KLHL22: variants seen among roughly 807,000 people sequenced by gnomAD.
KLHL22 encodes the protein kelch like family member 22.
In KLHL22, 18 loss-of-function variants were observed where a neutral mutation model predicts 60.7. The observed-to-expected ratio is 0.30, with a 90% CI of 0.20 to 0.44. KLHL22 has a LOEUF of 0.44. KLHL22 is among the 20% of genes least tolerant of loss of function. KLHL22 has a pLI of 1.00. For missense variants in KLHL22, 596 were observed against 852.3 expected (o/e 0.70, Z 3.74); for synonymous variants, 355 against 354.5 (o/e 1.00, Z -0.01).
chr22:20,449,713 G>C (rs562084274), intron 5 of KLHL22, among the ~76,000 whole-genome samples: 2 of 152,204 alleles, frequency 1.3e-5, no homozygotes, highest in Non-Finnish European at 2.9e-5. Flanking sequence ...GCCGTTTATT[G>C]AGTTTTAAGA....
chr22:20,476,966 C>T (rs1341333085), intron 2 of KLHL22, among the ~76,000 whole-genome samples: 1 of 151,298 alleles, frequency 6.6e-6, no homozygotes, highest in Non-Finnish European at 1.5e-5. Flanking sequence ...CTCGGCCTCC[C>T]ATAGTGCTGG....
In KLHL22 at chr22:20,489,193, ACTC is replaced by A. The variant is rs1215506959; in HGVS notation, c.16_18del (p.Glu6del). On this transcript the variant is annotated inframe_deletion, in exon 2 of 7. Coordinates refer to ENST00000328879, the MANE Select transcript of KLHL22 (RefSeq NM_032775.4). ...GCAGGCAACTTGCAGAGCTGGGTGAACTCCTGCTCCTCTGCCATCCTGACAGCC... is the reference window on the plus strand; with the variant it reads ...GCAGGCAACTTGCAGAGCTGGGTGAACTGCTCCTCTGCCATCCTGACAGCC... 22 of 1,613,874 alleles carry A rather than the reference ACTC, an allele frequency of 1.4e-5. No individual in the cohort carries two copies. The highest frequency in any genetic ancestry group is 1.8e-5 in the Non-Finnish European group (21 of 1,179,986).
chr22:20,465,177 G>A lies in KLHL22; in HGVS notation c.793C>T (p.Pro265Ser). ...GCGCTGGCCACTGTGTCCCTCAAAG[G>A]GCTGGGGTCCAGCTTGTCATGCAGC... The part of the protein sequence containing the change: ...QRLHDKLDPS[P>S]LRDTVASALM... The change falls in exon 4 of 7, where the codon CCT (proline) becomes TCT (serine). Residue 265 changes from proline (P) to serine (S), a missense_variant. Transcript: ENST00000328879. This position sits in a 1 kb window ranked among gnomAD's most constrained non-coding sequence, Gnocchi z 4.9. The A allele has an allele frequency of 6.2e-7, 1 of 1,613,796 alleles. No individual in the cohort carries two copies. The highest frequency in any genetic ancestry group is 8.5e-7 in the Non-Finnish European group (1 of 1,180,008).
intron 3 of KLHL22, among the ~76,000 whole-genome samples, chr22:20,469,673 T>C (rs897447394): frequency 3.3e-5 from 5 of 152,206 alleles, no homozygotes; most frequent in Non-Finnish European, 7.4e-5. Context: ...CCAGGTCCTA[T>C]CCACCAATCT....
At chr22:20,473,409 C>T (rs575507238) in intron 2 of KLHL22, among the ~76,000 whole-genome samples, 14 of 152,236 alleles carry the variant, frequency 9.2e-5, no homozygotes, top group South Asian at 4.1e-4. Context: ...GTGTGAGATA[C>T]CTGTGAAACC....
chr22:20,470,816 AT>A (rs2053311958), intron 3 of KLHL22, among the ~76,000 whole-genome samples: 1 of 144,616 alleles, frequency 6.9e-6, no homozygotes. Context: ...GGATGGATGG[AT>A]GGATGGATGG....
intron 6 of KLHL22, among the ~76,000 whole-genome samples, chr22:20,445,472 C>G (rs567239517): frequency 6.6e-6 from 1 of 152,322 alleles, no homozygotes; most frequent in South Asian, 2.1e-4. Flanking sequence ...TCCCAAAGTG[C>G]TGGGATTACA....
chr22:20,472,164 T>C (rs1601363190), intron 2 of KLHL22, among the ~76,000 whole-genome samples: 2 of 152,242 alleles, frequency 1.3e-5, no homozygotes, highest in East Asian at 1.9e-4. Context: ...CAAGAATTGA[T>C]TGAACCTGGG....
At chr22:20,478,127 G>T (rs1243604428) in intron 2 of KLHL22, among the ~76,000 whole-genome samples, 1 of 151,798 alleles carries the variant, frequency 6.6e-6, no homozygotes, top group Non-Finnish European at 1.5e-5. Flanking sequence ...AGAGAAAAAA[G>T]AGCCCAAAAG....
At chr22:20,467,242 C>A (rs979824765) in intron 3 of KLHL22, among the ~76,000 whole-genome samples, 6 of 152,188 alleles carry the variant, frequency 3.9e-5, no homozygotes, top group Admixed American at 3.3e-4. Context: ...CTGATAAAGG[C>A]ATCAAGGTTG....
chr22:20,462,895 C>T (rs2146211985), intron 4 of KLHL22, among the ~76,000 whole-genome samples: 1 of 152,264 alleles, frequency 6.6e-6, no homozygotes, highest in Admixed American at 6.5e-5. Context: ...GGTTTCTGCA[C>T]CAATGCTTTA....
At chr22:20,478,448 A>G (rs932945857) in intron 2 of KLHL22, among the ~76,000 whole-genome samples, 1 of 129,964 alleles carries the variant, frequency 7.7e-6, no homozygotes, top group Non-Finnish European at 1.6e-5. Flanking sequence ...CAGGTGATCC[A>G]CCCTCTTCAG....
Position 20,471,385 on chromosome 22 carries a change from C to T in KLHL22, c.358G>A (p.Val120Ile). The change falls in exon 3 of 7, where the codon GTA becomes ATA. Residue 120 changes from valine (V) to isoleucine (I), a missense_variant. By Grantham distance (29) the Val-to-Ile change is conservative. Transcript: ENST00000328879. Reference protein sequence around the residue: ...TSELELSLSNVQETLVAACQL... With the variant: ...TSELELSLSNIQETLVAACQL... ...CAGGCAGCCACCAGTGTCTCTTGTA[C>T]ATTGCTCAGGCTGAGCTCCAGCTCG... The T allele has an allele frequency of 6.2e-7, 1 of 1,613,976 alleles. No individual in the cohort carries two copies. Among genetic ancestry groups the T allele is most frequent in the Non-Finnish European group, 8.5e-7 (1 of 1,179,898 alleles).
chr22:20,472,161 T>G (rs1249930076), intron 2 of KLHL22, among the ~76,000 whole-genome samples: 8 of 152,044 alleles, frequency 5.3e-5, no homozygotes. Flanking sequence ...GCACAAGAAT[T>G]GATTGAACCT....
chr22:20,464,814 C>G (rs368457641), intron 4 of KLHL22, 44 bp downstream of exon 4: 70 of 1,250,352 alleles, frequency 5.6e-5, no homozygotes, highest in Non-Finnish European at 7.1e-5. Context: ...TCCACACCCT[C>G]TCATCACCTG....
In KLHL22 at chr22:20,493,166, T is replaced by C. The variant is rs756701896; in HGVS notation, c.-34+2594A>G. ...TCCTCACCTTCCGTGAGCATAGTAG[T>C]GCCTCTGCTCTCTTGGGAAGGGATA... On this transcript the variant is annotated intron_variant, in intron 1 of 6. Transcript: ENST00000328879. 11 of 471,150 alleles carry C rather than the reference T, an allele frequency of 2.3e-5. No individual in the cohort carries two copies. In the Middle Eastern group the frequency reaches 1.6e-3, roughly 69 times the overall value. 29.2% of individuals were successfully genotyped at this position (471,150 alleles called of 1,614,324 possible).
chr22:20,466,372 T>TAAAAAAA (rs361874), intron 3 of KLHL22, among the ~76,000 whole-genome samples: 2 of 70,598 alleles, frequency 2.8e-5, no homozygotes, highest in African/African-American at 5.6e-5. Flanking sequence ...AGACTCCGTC[T>TAAAAAAA]AAAAAAAAAA....
chr22:20,446,893 A>G (rs1378432611), intron 5 of KLHL22, among the ~76,000 whole-genome samples: 3 of 152,242 alleles, frequency 2.0e-5, no homozygotes, highest in Non-Finnish European at 4.4e-5. Context: ...GGATACATCT[A>G]TAGACTCAGA....
chr22:20,476,405 A>ATT (rs57189584), intron 2 of KLHL22, among the ~76,000 whole-genome samples: 3,989 of 69,368 alleles, frequency 0.058, 465 homozygotes, highest in East Asian at 0.43. Context: ...ATTGACACAG[A>ATT]TTTTTTTTTT....
Sources: allele counts gnomAD v4.1 joint callset (sites outside exome capture counted in the v4.1 genomes callset), GRCh38; gene constraint gnomAD v4.1.1; non-coding constraint Gnocchi (gnomAD v3.1); transcripts MANE v1.5; gene names NCBI Gene and HGNC (gene_info 2026-07-23, HGNC 2026-07-21).